The following B4GALNT1 variants were observed in gnomAD, a reference collection of about 807,000 sequenced individuals.
B4GALNT1 encodes beta-1,4-N-acetyl-galactosaminyltransferase 1.
Under a neutral mutation model 55.2 loss-of-function variants are expected in B4GALNT1, and 43 were observed. That is an observed-to-expected ratio of 0.78 (90% CI 0.61 to 1.00). The LOEUF is 1.00. Ranked by LOEUF, B4GALNT1 falls within the 50% of genes least tolerant of loss-of-function variation. B4GALNT1 has a pLI of 0.00. For missense variants in B4GALNT1, 664 were observed against 729.7 expected (o/e 0.91, Z 1.04); for synonymous variants, 305 against 311.6 (o/e 0.98, Z 0.22).
At position 57,630,254 on chromosome 12, in the gene B4GALNT1, C is replaced by T. The variant is rs778000026; in HGVS notation, c.610G>A (p.Ala204Thr). ...TGVTLTGEGQ[A>T]DLTLVSPGLD... is the part of the protein sequence containing the mutation. ...CCTGGGCTGACAAGGGTGAGATCTG[C>T]CTGACCCTCTCCAGTGAGAGTAACT... The change falls in exon 6 of 11, where the codon GCA becomes ACA. Residue 204 changes from alanine to threonine, a missense_variant. Physicochemically the swap from Ala to Thr is moderately conservative, Grantham distance 58. Coordinates refer to ENST00000341156, the MANE Select transcript of B4GALNT1 (RefSeq NM_001478.5). 1 of 1,614,232 alleles carries T rather than the reference C, an allele frequency of 6.2e-7. No individual in the cohort carries two copies. Among genetic ancestry groups the T allele is most frequent in the Admixed American group, 1.7e-5 (1 of 60,030 alleles).
Position 57,630,151 on chromosome 12 carries a change from C to A in B4GALNT1, c.712+1G>T, listed in dbSNP as rs774736480. ...CCCGTCTCTCCACCCAGGCCTTGCA[C>A]CTGTGTCTGCTGTGTTGGTCTGGTA... On this transcript the variant is annotated splice_donor_variant, in intron 6 of 10. Transcript: ENST00000341156. LOFTEE classifies it high-confidence loss of function. The A allele has an allele frequency of 6.2e-7, 1 of 1,614,244 alleles. No individual in the cohort carries two copies. The highest frequency in any genetic ancestry group is 2.2e-5 in the East Asian group (1 of 44,886).
rs771135951 is a variant in B4GALNT1 at position 57,631,261 on chromosome 12, G to A, written c.322C>T (p.Pro108Ser). The change falls in exon 3 of 11, where the codon CCT becomes TCT. Residue 108 changes from proline (P) to serine (S), a missense_variant. By Grantham distance (74) the Pro-to-Ser change is moderately conservative. Coordinates refer to ENST00000341156, the MANE Select transcript of B4GALNT1 (RefSeq NM_001478.5). ...RAIDLTKAFD[P>S]AELRAASATR... Reference sequence around the variant, plus strand: ...GCAGAGGCAGCCCTCAGCTCTGCAGGGTCAAAGGCCTTGGTGAGGTCAATA... The same window carrying A: ...GCAGAGGCAGCCCTCAGCTCTGCAGAGTCAAAGGCCTTGGTGAGGTCAATA... 1.9e-6 allele frequency: 3 copies of A among 1,614,178 alleles called. No homozygotes were observed. Among genetic ancestry groups the A allele is most frequent in the South Asian group, 2.2e-5 (2 of 91,082 alleles).
At chr12:57,629,678 G>A (rs1178307952) in intron 6 of B4GALNT1, 1 of 1,153,658 alleles carries the variant, frequency 8.7e-7, no homozygotes, top group Non-Finnish European at 1.2e-6. Flanking sequence ...CAAAAATCTG[G>A]GGAAGAGCAT....
In B4GALNT1 at chr12:57,627,012, C is replaced by T. The variant is rs750986313; in HGVS notation, c.1385-51G>A. ...GAGGGATCCTGAGGGTGCAGAAGGCCGACTGGTAAGGGAGAACTCTCAAAT... is the reference window on the plus strand; with the variant it reads ...GAGGGATCCTGAGGGTGCAGAAGGCTGACTGGTAAGGGAGAACTCTCAAAT... On this transcript the variant is annotated intron_variant, in intron 10 of 10. Transcript: ENST00000341156. The T allele has an allele frequency of 6.0e-5, 90 of 1,499,042 alleles. No homozygotes were observed. The Admixed American group carries it at 7.2e-4, about 12-fold the overall frequency. 92.9% of individuals were successfully genotyped at this position (1,499,042 alleles called of 1,614,324 possible).
Position 57,626,950 on chromosome 12 carries a change from C to T in B4GALNT1, c.1396G>A (p.Asp466Asn), listed in dbSNP as rs1310988712. Residue 466 changes from aspartate to asparagine, a missense_variant, in exon 11 of 11, where the codon GAT (aspartate) becomes AAT (asparagine). Coordinates refer to ENST00000341156, the MANE Select transcript of B4GALNT1 (RefSeq NM_001478.5). Reference protein sequence around the residue: ...SRVAHLEFFLDGLGSLRVGSC... With the variant: ...SRVAHLEFFLNGLGSLRVGSC... ...CCAACCCGAAGGGAACCAAGCCCAT[C>T]CAAGAAGAATTCTGGGGGTGGAGGG... 2.5e-6 allele frequency: 4 copies of T among 1,613,644 alleles called. No individual in the cohort carries two copies. The highest frequency in any genetic ancestry group is 8.5e-7 in the Non-Finnish European group (1 of 1,179,728).
chr12:57,626,678 T>C lies in B4GALNT1; in HGVS notation c.*66A>G, dbSNP rs1884829371. On this transcript the variant is annotated 3_prime_UTR_variant, in exon 11 of 11. Coordinates refer to ENST00000341156, the MANE Select transcript of B4GALNT1 (RefSeq NM_001478.5). ...AGTGCTCACAGGGTGGTGGGGTTTG[T>C]TGGAAATTCCTGGCAGGGACAAGGA... is the stretch of plus-strand genomic sequence containing the variant. 4.4e-6 allele frequency: 7 copies of C among 1,582,846 alleles called. No homozygotes were observed. The highest frequency in any genetic ancestry group is 6.1e-6 in the Non-Finnish European group (7 of 1,154,824).
chr12:57,624,517 C>A lies in B4GALNT1; in HGVS notation c.*2227G>T, dbSNP rs770765103. On this transcript the variant is annotated 3_prime_UTR_variant, in exon 11 of 11. Transcript: ENST00000341156. ...TCCTGCAGGCTGTGTGGATGGTCAC[C>A]TGGGTGGCAGTAGTGACCCTGAGTG... 1 of 628,834 alleles carries A rather than the reference C, an allele frequency of 1.6e-6. No individual in the cohort carries two copies. 39.0% of individuals were successfully genotyped at this position (628,834 alleles called of 1,614,324 possible). A position where few individuals can be genotyped will look rare whatever the true frequency, so the allele number is the denominator to read the frequency against.
chr12:57,628,367 A>G (rs1294746381), intron 8 of B4GALNT1, 105 bp from the exon 9 acceptor site: 2 of 1,524,690 alleles, frequency 1.3e-6, no homozygotes, highest in African/African-American at 2.7e-5. Context: ...ATTCTTCTCC[A>G]GACTTTTGAG....
chr12:57,626,849 C>T lies in B4GALNT1; in HGVS notation c.1497G>A (p.Glu499=). The T allele has an allele frequency of 1.2e-6, 2 of 1,614,204 alleles. No homozygotes were observed. The highest frequency in any genetic ancestry group is 8.5e-7 in the Non-Finnish European group (1 of 1,180,028). Residue 499 remains glutamate, a synonymous_variant, in exon 11 of 11, where the codon GAG becomes GAA. Coordinates refer to ENST00000341156, the MANE Select transcript of B4GALNT1 (RefSeq NM_001478.5). ...LPWTSRDAGA[E]TYARYRYPGS... ...CTGGGTAACGGTACCGGGCGTAAGT[C>T]TCTGCTCCGGCATCCCTTGATGTCC...
intron 2 of B4GALNT1, among the ~76,000 whole-genome samples, 177 bp downstream of exon 2, chr12:57,631,738 C>T (rs1193556431): frequency 6.6e-6 from 1 of 152,194 alleles, no homozygotes; most frequent in Admixed American, 6.5e-5. Flanking sequence ...TGGCAAGGTT[C>T]AGGGAGAACA....
At position 57,626,802 on chromosome 12, in the gene B4GALNT1, A is replaced by G. The variant is rs1417572306; in HGVS notation, c.1544T>C (p.Met515Thr). Reference protein sequence around the residue: ...RYPGSLDESQMAKHRLLFFKH... With the variant: ...RYPGSLDESQTAKHRLLFFKH... ...GAAGAAGAGCAGCCGGTGTTTGGCC[A>G]TCTGGCTCTCGTCCAGTGATCCTGG... Residue 515 changes from methionine (M) to threonine (T), a missense_variant, in exon 11 of 11, where the codon ATG (methionine) becomes ACG (threonine). Coordinates refer to ENST00000341156, the MANE Select transcript of B4GALNT1 (RefSeq NM_001478.5). 11 of 1,614,112 alleles carry G rather than the reference A, an allele frequency of 6.8e-6. No homozygotes were observed. Among genetic ancestry groups the G allele is most frequent in the Non-Finnish European group, 9.3e-6 (11 of 1,180,048 alleles).
chr12:57,629,616 T>C (rs1885067213), intron 6 of B4GALNT1: 3 of 568,570 alleles, frequency 5.3e-6, no homozygotes, highest in Non-Finnish European at 8.6e-6. Context: ...AATGTGATAG[T>C]GAAGAGGAGG....
rs368294320 is a variant in B4GALNT1 at position 57,629,390 on chromosome 12, C to T, written c.713-244G>A. ...ATGTGCCAGACCCGTTAAAAAATTACCTTAAATATATGCACTCATTTTATC... is the reference window on the plus strand; with the variant it reads ...ATGTGCCAGACCCGTTAAAAAATTATCTTAAATATATGCACTCATTTTATC... On this transcript the variant is annotated intron_variant, in intron 6 of 10. Transcript: ENST00000341156. 6 of 398,198 alleles carry T rather than the reference C, an allele frequency of 1.5e-5. No homozygotes were observed. In the East Asian group the frequency reaches 2.3e-4, roughly 15 times the overall value. The allele number at this position is 398,198 out of a possible 1,614,324, so 24.7% of individuals were successfully genotyped here.
intron 4 of B4GALNT1, 44 bp downstream of exon 4, chr12:57,630,936 C>A: frequency 6.4e-7 from 1 of 1,564,050 alleles, no homozygotes; most frequent in Non-Finnish European, 8.8e-7. Flanking sequence ...GGCTCTGCCA[C>A]CCCCACTGTG....
chr12:57,625,119 A>G lies in B4GALNT1; in HGVS notation c.*1625T>C, dbSNP rs542155737. 1 of 1,613,990 alleles carries G rather than the reference A, an allele frequency of 6.2e-7. No individual in the cohort carries two copies. The highest frequency in any genetic ancestry group is 8.5e-7 in the Non-Finnish European group (1 of 1,179,964). ...GAGTGGTGACTGCCCTTCTTTACTT[A>G]TAGGAGACTTCAAAGCCAGATGGCC... is the stretch of plus-strand genomic sequence containing the variant. On this transcript the variant is annotated 3_prime_UTR_variant, in exon 11 of 11. Coordinates refer to ENST00000341156, the MANE Select transcript of B4GALNT1 (RefSeq NM_001478.5).
Position 57,624,907 on chromosome 12 carries a change from A to G in B4GALNT1, c.*1837T>C. 1 of 1,614,034 alleles carries G rather than the reference A, an allele frequency of 6.2e-7. No homozygotes were observed. On this transcript the variant is annotated 3_prime_UTR_variant, in exon 11 of 11. Transcript: ENST00000341156. ...GGCTCTGCATCCTGAGCTATCCAAC[A>G]CCACTGTACTTTGGGACCCGTGGGC...
chr12:57,631,966 G>A lies in B4GALNT1; in HGVS notation c.167C>T (p.Pro56Leu). Residue 56 changes from proline to leucine, a missense_variant, in exon 2 of 11, where the codon CCT becomes CTT. Physicochemically the swap from Pro to Leu is moderately conservative, Grantham distance 98. Coordinates refer to ENST00000341156, the MANE Select transcript of B4GALNT1 (RefSeq NM_001478.5). Reference protein sequence around the residue: ...PRRPELPDLAPEPRYAHIPVR... With the variant: ...PRRPELPDLALEPRYAHIPVR... ...CGGGATGTGTGCGTAGCGGGGCTCA[G>A]GAGCAAGATCTGGCAGCTCGGGCCT... is the stretch of plus-strand genomic sequence containing the variant. 1 of 1,458,362 alleles carries A rather than the reference G, an allele frequency of 6.9e-7. No homozygotes were observed. The highest frequency in any genetic ancestry group is 9.0e-7 in the Non-Finnish European group (1 of 1,105,486). The allele number at this position is 1,458,362 out of a possible 1,614,324, so 90.3% of individuals were successfully genotyped here. A position where few individuals can be genotyped will look rare whatever the true frequency, so the allele number is the denominator to read the frequency against.
In B4GALNT1 at chr12:57,627,739, G is replaced by T; in HGVS notation, c.1263C>A (p.His421Gln). 6.2e-7 allele frequency: 1 copy of T among 1,610,446 alleles called. No individual in the cohort carries two copies. Among genetic ancestry groups the T allele is most frequent in the African/African-American group, 1.3e-5 (1 of 74,968 alleles). Residue 421 changes from histidine to glutamine, a missense_variant, in exon 10 of 11, where the codon CAC (histidine) becomes CAA (glutamine). His to Gln is a conservative substitution (Grantham distance 24). Coordinates refer to ENST00000341156, the MANE Select transcript of B4GALNT1 (RefSeq NM_001478.5). ...NCLRQRRGFHHELVGFPGCVV... is the reference protein window; with the variant it reads ...NCLRQRRGFHQELVGFPGCVV... The stretch of plus-strand genomic sequence containing the variant: ...CGCAGCCTGGGAAGCCGACGAGCTC[G>T]TGGTGGAAGCCGCGCCTTTGCCGGA...
At chr12:57,630,547 T>G in intron 4 of B4GALNT1, 29 bp from the exon 5 acceptor site, 2 of 1,584,394 alleles carry the variant, frequency 1.3e-6, no homozygotes, top group Non-Finnish European at 1.7e-6. Flanking sequence ...GGGATCAGAA[T>G]CACATAGGCA....
Sources: gnomAD v4.1 joint callset for allele counts (sites outside exome capture counted in the v4.1 genomes callset) on GRCh38, gnomAD v4.1.1 for gene constraint, MANE v1.5 for transcripts, NCBI Gene and HGNC (gene_info 2026-07-23, HGNC 2026-07-21) for gene names.